CDH1: variants seen among roughly 807,000 people sequenced by gnomAD.
CDH1 encodes the protein cadherin 1.
Under a neutral mutation model 84.5 loss-of-function variants are expected in CDH1, and 35 were observed. The observed-to-expected ratio is 0.41, with a 90% CI of 0.32 to 0.55. The LOEUF is 0.55. Ranked by LOEUF, CDH1 falls within the 20% of genes least tolerant of loss-of-function variation. CDH1 has a pLI of 0.19. For missense variants in CDH1, 994 were observed against 1,126.6 expected (o/e 0.88, Z 1.68); for synonymous variants, 417 against 439.0 (o/e 0.95, Z 0.63).
At position 68,808,583 on chromosome 16, in the gene CDH1, C is replaced by G. The variant is rs376565246; in HGVS notation, c.531+16C>G. 6.2e-7 allele frequency: 1 copy of G among 1,614,068 alleles called. No homozygotes were observed. Among genetic ancestry groups the G allele is most frequent in the African/African-American group, 1.3e-5 (1 of 75,046 alleles). On this transcript the variant is annotated intron_variant, in intron 4 of 15. Transcript: ENST00000261769. ...CCTGGTTCAGGTAGAGAAAGAAGTTCTCTGTTTCTCTGGGAGGGATTTGGC... is the reference window on the plus strand; with the variant it reads ...CCTGGTTCAGGTAGAGAAAGAAGTTGTCTGTTTCTCTGGGAGGGATTTGGC...
At chr16:68,776,018 C>T (rs1959723566) in intron 2 of CDH1, among the ~76,000 whole-genome samples, 1 of 152,112 alleles carries the variant, frequency 6.6e-6, no homozygotes, top group Admixed American at 6.6e-5. Context: ...AGTTTATCAC[C>T]CAGACTGGAG....
At chr16:68,765,930 T>A (rs888655428) in intron 2 of CDH1, among the ~76,000 whole-genome samples, 1 of 152,232 alleles carries the variant, frequency 6.6e-6, no homozygotes, top group East Asian at 1.9e-4. Context: ...GTTTTACATA[T>A]GTGAGATCGT....
chr16:68,829,175 A>G (rs1190757197), intron 14 of CDH1, among the ~76,000 whole-genome samples: 1 of 152,176 alleles, frequency 6.6e-6, no homozygotes, highest in Admixed American at 6.6e-5. Context: ...AGTTTAGCTG[A>G]ATGGCTCTAA....
chr16:68,801,134 T>C (rs1200072328), intron 2 of CDH1, among the ~76,000 whole-genome samples: 1 of 152,142 alleles, frequency 6.6e-6, no homozygotes, highest in African/African-American at 2.4e-5. Flanking sequence ...TTTTTTGAGA[T>C]GGAGTCTCGC....
intron 2 of CDH1, among the ~76,000 whole-genome samples, chr16:68,753,231 A>T (rs1487988028): frequency 1.3e-5 from 2 of 151,426 alleles, no homozygotes; most frequent in African/African-American, 4.8e-5. Context: ...AAAAAAAAAA[A>T]AGCAAGGCCT....
intron 2 of CDH1, among the ~76,000 whole-genome samples, chr16:68,748,653 T>C (rs908156546): frequency 2.6e-5 from 4 of 152,184 alleles, no homozygotes; most frequent in Admixed American, 1.3e-4. Flanking sequence ...TTTCCATAGG[T>C]GAGCCTGCTG....
At chr16:68,808,017 G>A (rs1017494742) in intron 3 of CDH1, among the ~76,000 whole-genome samples, 6 of 152,148 alleles carry the variant, frequency 3.9e-5, no homozygotes, top group Admixed American at 6.6e-5. Context: ...AGGTTCCAGT[G>A]AGACAAGATC....
chr16:68,789,547 G>A (rs949357019), intron 2 of CDH1, among the ~76,000 whole-genome samples: 10 of 150,166 alleles, frequency 6.7e-5, no homozygotes, highest in Admixed American at 5.3e-4. Context: ...CAGCTTTATC[G>A]AAACATAATC....
intron 10 of CDH1, among the ~76,000 whole-genome samples, chr16:68,818,770 A>G (rs910531768): frequency 2.0e-5 from 3 of 148,488 alleles, no homozygotes; most frequent in South Asian, 2.2e-4. Context: ...GAATGGTGTG[A>G]ACCCAGGAGG....
chr16:68,750,865 G>T lies in CDH1; in HGVS notation c.163+12454G>T, dbSNP rs1441507263. On this transcript the variant is annotated intron_variant, in intron 2 of 15. Transcript: ENST00000261769. ...GATACAGACACACATCACCATGCCC[G>T]GCTAATTTTTAAAATTTTCTTTGGA... is the stretch of plus-strand genomic sequence containing the variant. Among the ~76,000 whole-genome samples, 3 of 151,902 alleles carry T rather than the reference G, an allele frequency of 2.0e-5. No individual in the cohort carries two copies. In the East Asian group the frequency reaches 5.8e-4, roughly 29 times the overall value.
intron 13 of CDH1, among the ~76,000 whole-genome samples, chr16:68,825,412 A>G (rs1039477151): frequency 6.6e-6 from 1 of 152,136 alleles, no homozygotes; most frequent in Admixed American, 6.5e-5. Flanking sequence ...TTTTGGAGGG[A>G]GCAGTGGGAC....
chr16:68,754,134 A>T (rs918721015), intron 2 of CDH1, among the ~76,000 whole-genome samples: 2 of 127,290 alleles, frequency 1.6e-5, no homozygotes, highest in African/African-American at 2.9e-5. Context: ...AAAAAAAAAA[A>T]TTATTCGGCA....
chr16:68,748,539 G>A (rs1952223592), intron 2 of CDH1, among the ~76,000 whole-genome samples: 1 of 152,210 alleles, frequency 6.6e-6, no homozygotes, highest in African/African-American at 2.4e-5. Flanking sequence ...GTCCCTGATA[G>A]ATAGACACTG....
Position 68,815,576 on chromosome 16 carries a change from C to T in CDH1, c.1382C>T (p.Pro461Leu), listed in dbSNP as rs876659268. The T allele has an allele frequency of 6.2e-7, 1 of 1,614,156 alleles. No individual in the cohort carries two copies. Among genetic ancestry groups the T allele is most frequent in the Non-Finnish European group, 8.5e-7 (1 of 1,180,020 alleles). Residue 461 changes from proline (P) to leucine (L), a missense_variant, in exon 10 of 16, where the codon CCT becomes CTT. Around this residue, in one of 3 missense-constraint regions of CDH1, gnomAD observed 769 missense variants for 881.8 expected, o/e 0.87. Transcript: ENST00000261769. ...CACGTAGCAGTGACGAATGTGGTACCTTTTGAGGTCTCTCTCACCACCTCC... is the reference window on the plus strand; with the variant it reads ...CACGTAGCAGTGACGAATGTGGTACTTTTTGAGGTCTCTCTCACCACCTCC... The part of the protein sequence containing the change: ...ILHVAVTNVV[P>L]FEVSLTTSTA...
intron 2 of CDH1, among the ~76,000 whole-genome samples, chr16:68,768,456 A>T (rs970712814): frequency 6.6e-6 from 1 of 152,230 alleles, no homozygotes; most frequent in Non-Finnish European, 1.5e-5. Flanking sequence ...TCTTACCTTC[A>T]TGTGATTTTG....
chr16:68,758,118 G>A (rs963934791), intron 2 of CDH1, among the ~76,000 whole-genome samples: 8 of 145,876 alleles, frequency 5.5e-5, no homozygotes, highest in African/African-American at 1.8e-4. Flanking sequence ...TGGCCTGCAA[G>A]TTTCTTTCTT....
intron 2 of CDH1, among the ~76,000 whole-genome samples, chr16:68,750,425 T>C: frequency 6.6e-6 from 1 of 151,986 alleles, no homozygotes; most frequent in East Asian, 1.9e-4. Context: ...GCATGGCTCT[T>C]GCTGCTGAAA....
chr16:68,771,707 G>A (rs12927437), intron 2 of CDH1, among the ~76,000 whole-genome samples: 73,144 of 150,314 alleles, frequency 0.49, 18,956 homozygotes, highest in Non-Finnish European at 0.58. Flanking sequence ...AGCCGAGATC[G>A]CACCACTACA....
intron 2 of CDH1, among the ~76,000 whole-genome samples, chr16:68,768,021 T>A (rs1413800256): frequency 2.0e-5 from 3 of 152,216 alleles, no homozygotes; most frequent in Non-Finnish European, 1.5e-5. Context: ...AATGGCACGC[T>A]TTTGGCTCAC....
Sources: allele counts gnomAD v4.1 joint callset (sites outside exome capture counted in the v4.1 genomes callset), GRCh38; gene constraint gnomAD v4.1.1; regional missense constraint gnomAD v4.1.1; transcripts MANE v1.5; gene names NCBI Gene and HGNC (gene_info 2026-07-23, HGNC 2026-07-21).